PTK2B: variants seen among roughly 807,000 people sequenced by gnomAD.
PTK2B encodes the protein protein tyrosine kinase 2 beta.
In PTK2B, 71 loss-of-function variants were observed where a neutral mutation model predicts 142.9. The ratio of observed to expected loss-of-function variants is 0.50; its 90% CI spans 0.41 to 0.61. The LOEUF (loss-of-function observed/expected upper bound fraction) is 0.61. Among genes scored for constraint, PTK2B ranks in the 20% least tolerant of loss-of-function variants. PTK2B has a pLI of 0.00. For missense variants in PTK2B, 1,105 were observed against 1,320.4 expected (o/e 0.84, Z 2.53); for synonymous variants, 519 against 503.4 (o/e 1.03, Z -0.42).
chr8:27,439,883 C>T (rs1040575314), intron 20 of PTK2B, among the ~76,000 whole-genome samples: 6 of 152,188 alleles, frequency 3.9e-5, no homozygotes, highest in Non-Finnish European at 8.8e-5. Context: ...CGCAATCACA[C>T]AGGCACCAAG....
intron 18 of PTK2B, 189 bp downstream of exon 18, chr8:27,438,069 G>C (rs1810904996): frequency 1.7e-6 from 1 of 581,190 alleles, no homozygotes; most frequent in Non-Finnish European, 3.1e-6. Flanking sequence ...TGCAGGCACT[G>C]TATGTACCTC....
intron 30 of PTK2B, among the ~76,000 whole-genome samples, chr8:27,457,416 C>T (rs1275122668): frequency 6.6e-6 from 1 of 152,232 alleles, no homozygotes; most frequent in Non-Finnish European, 1.5e-5. Context: ...GTTTTCACTG[C>T]ATCCATTCTG....
Position 27,420,081 on chromosome 8 carries a change from T to C in PTK2B, c.383+8T>C. ...CGTGGAAGCCGAGTGGAGGTAGGAGTGGATTCCTGGGCTCTGGAAGTGGGA... is the reference window on the plus strand; with the variant it reads ...CGTGGAAGCCGAGTGGAGGTAGGAGCGGATTCCTGGGCTCTGGAAGTGGGA... On this transcript the variant is annotated splice_region_variant and intron_variant, in intron 3 of 30. Transcript: ENST00000346049. 1.2e-6 allele frequency: 2 copies of C among 1,613,056 alleles called. No homozygotes were observed. The highest frequency in any genetic ancestry group is 1.7e-6 in the Non-Finnish European group (2 of 1,179,412).
chr8:27,367,229 C>G (rs569854295), intron 1 of PTK2B, among the ~76,000 whole-genome samples: 1 of 152,202 alleles, frequency 6.6e-6, no homozygotes, highest in Non-Finnish European at 1.5e-5. Context: ...GTCAAGGGCT[C>G]TTTGTCCTGT....
At chr8:27,324,219 TC>T (rs1250718886), upstream of PTK2B, among the ~76,000 whole-genome samples, 1 of 152,216 alleles carries the variant, frequency 6.6e-6, no homozygotes, top group Non-Finnish European at 1.5e-5. Flanking sequence ...GGCCAAGTTC[TC>T]CCACCTGACC....
intron 30 of PTK2B, among the ~76,000 whole-genome samples, chr8:27,457,990 AAAAAAAAAG>A (rs1432114122): frequency 9.4e-5 from 14 of 149,436 alleles, no homozygotes; most frequent in African/African-American, 2.7e-4. Context: ...AAAAAAAAAA[AAAAAAAAAG>A]ATCAGATTCG....
intron 20 of PTK2B, among the ~76,000 whole-genome samples, chr8:27,439,686 G>A (rs1386527021): frequency 6.6e-6 from 1 of 152,244 alleles, no homozygotes; most frequent in African/African-American, 2.4e-5. Flanking sequence ...ACGAAACTCT[G>A]TGACTTATTC....
At chr8:27,426,875 G>T (rs772694756) in intron 5 of PTK2B, among the ~76,000 whole-genome samples, 1 of 152,134 alleles carries the variant, frequency 6.6e-6, no homozygotes, top group Non-Finnish European at 1.5e-5. Context: ...TAATTGTTCA[G>T]TGTTAATTTC....
chr8:27,339,393 G>A (rs1469839117), intron 1 of PTK2B, among the ~76,000 whole-genome samples: 1 of 152,196 alleles, frequency 6.6e-6, no homozygotes. Context: ...ATCCATCTCA[G>A]AGGCCACACT....
rs1202307553 is a variant in PTK2B at position 27,401,781 on chromosome 8, G to A, written c.204+3993G>A. Reference sequence around the variant, plus strand: ...TTACATAATGGAAAATGCATTGGAGGAAGGCAGGAATGGATGTGGGGAAAT... The same window carrying A: ...TTACATAATGGAAAATGCATTGGAGAAAGGCAGGAATGGATGTGGGGAAAT... On this transcript the variant is annotated intron_variant, in intron 2 of 30. Coordinates refer to ENST00000346049, the MANE Select transcript of PTK2B (RefSeq NM_173176.3). 2.0e-5 allele frequency among the ~76,000 whole-genome samples: 3 copies of A among 152,204 alleles called. No homozygotes were observed. In the East Asian group the frequency reaches 5.8e-4, roughly 29 times the overall value.
At chr8:27,423,060 T>G (rs1319422591) in intron 5 of PTK2B, among the ~76,000 whole-genome samples, 2 of 152,108 alleles carry the variant, frequency 1.3e-5, no homozygotes, top group African/African-American at 4.8e-5. Context: ...AGGAAAAGCA[T>G]AGACTGGAGA....
chr8:27,448,879 A>G (rs1231278280), intron 24 of PTK2B, among the ~76,000 whole-genome samples: 1 of 152,172 alleles, frequency 6.6e-6, no homozygotes, highest in Non-Finnish European at 1.5e-5. Flanking sequence ...AACAAAACCT[A>G]TTTTATTTTT....
chr8:27,373,048 C>G (rs1806455830), intron 1 of PTK2B, among the ~76,000 whole-genome samples: 2 of 152,140 alleles, frequency 1.3e-5, no homozygotes, highest in Non-Finnish European at 2.9e-5. Flanking sequence ...CACAGCTGCC[C>G]CCTTAGCCCA....
intron 1 of PTK2B, among the ~76,000 whole-genome samples, chr8:27,392,015 C>T (rs899124329): frequency 6.4e-4 from 98 of 152,220 alleles, no homozygotes; most frequent in African/African-American, 2.3e-3. Flanking sequence ...AATGCCAGGG[C>T]TTGGAGAGCC....
chr8:27,316,314 A>G (rs1803093861), intron 3 of PTK2B, among the ~76,000 whole-genome samples: 1 of 151,712 alleles, frequency 6.6e-6, no homozygotes, highest in South Asian at 2.1e-4. Context: ...TTTCTGAAAC[A>G]GTGAACTAGA....
At chr8:27,390,022 G>A (rs1165121946) in intron 1 of PTK2B, among the ~76,000 whole-genome samples, 2 of 152,236 alleles carry the variant, frequency 1.3e-5, no homozygotes, top group East Asian at 3.8e-4. Context: ...ACAGCAAGGG[G>A]AAGTGATTCA....
At chr8:27,438,130 A>C in intron 18 of PTK2B, 6 of 433,606 alleles carry the variant, frequency 1.4e-5, no homozygotes, top group Non-Finnish European at 8.5e-6. Flanking sequence ...TCTATATATC[A>C]AGACCTTCTA....
chr8:27,405,197 G>T (rs1283492574), intron 2 of PTK2B, among the ~76,000 whole-genome samples: 3 of 152,168 alleles, frequency 2.0e-5, no homozygotes, highest in African/African-American at 7.2e-5. Context: ...AATGCTTCTT[G>T]TTTAAGGCGC....
chr8:27,451,474 C>T lies in PTK2B; in HGVS notation c.2524-11C>T, dbSNP rs987763841. The stretch of plus-strand genomic sequence containing the variant: ...GAGTGACGTTCCTGTTCTCTTTCCT[C>T]CTTCCTCCAGACGCCAGAGAAGGAG... On this transcript the variant is annotated splice_polypyrimidine_tract_variant and intron_variant, in intron 26 of 30. Coordinates refer to ENST00000346049, the MANE Select transcript of PTK2B (RefSeq NM_173176.3). The T allele has an allele frequency of 1.2e-5, 19 of 1,613,922 alleles. 1 individual carries two copies. In the Admixed American group the frequency reaches 2.7e-4, roughly 23 times the overall value.
Sources: gnomAD v4.1 joint callset for allele counts (sites outside exome capture counted in the v4.1 genomes callset) on GRCh38, gnomAD v4.1.1 for gene constraint, MANE v1.5 for transcripts, NCBI Gene and HGNC (gene_info 2026-07-23, HGNC 2026-07-21) for gene names.